The following RGS6 variants were observed in gnomAD, a reference collection of about 807,000 sequenced individuals.
RGS6 encodes regulator of G-protein signaling 6.
A neutral mutation model predicts 78.5 loss-of-function variants in RGS6; 30 were observed. The observed-to-expected ratio is 0.38, with a 90% CI of 0.29 to 0.52. The LOEUF (loss-of-function observed/expected upper bound fraction) is 0.52, where lower values mean the gene tolerates loss of function less well. Ranked by LOEUF, RGS6 falls within the 20% of genes least tolerant of loss-of-function variation. The pLI is 0.85. For synonymous variants in RGS6, 206 were observed against 206.0 expected (o/e 1.00, Z 0.00); for missense variants, 495 against 609.7 (o/e 0.81, Z 1.98).
intron 2 of RGS6, among the ~76,000 whole-genome samples, chr14:72,017,421 T>G (rs1173297746): frequency 6.6e-6 from 1 of 152,240 alleles, no homozygotes; most frequent in Non-Finnish European, 1.5e-5. Context: ...CATTCACTTC[T>G]TTTTCTTGTC....
At chr14:71,930,769 G>C (rs2087804425), upstream of RGS6, among the ~76,000 whole-genome samples, 1 of 151,722 alleles carries the variant, frequency 6.6e-6, no homozygotes, top group African/African-American at 2.4e-5. Context: ...GATCATCTGA[G>C]GTCAGGAATT....
In RGS6 at chr14:72,536,295, G is replaced by A. The variant is rs144360324; in HGVS notation, c.1368+20G>A. On this transcript the variant is annotated intron_variant, in intron 16 of 17. Transcript: ENST00000553525. ...AAGAAGGTATCTTTGGGAAGGGCAG[G>A]CTTGCTCTTAGCACTGTTGACTCTT... The A allele has an allele frequency of 3.1e-6, 5 of 1,594,510 alleles. No individual in the cohort carries two copies. Among genetic ancestry groups the A allele is most frequent in the South Asian group, 1.1e-5 (1 of 90,658 alleles).
At chr14:72,426,116 G>T (rs932665358) in intron 3 of RGS6, among the ~76,000 whole-genome samples, 2 of 151,886 alleles carry the variant, frequency 1.3e-5, no homozygotes, top group Non-Finnish European at 2.9e-5. Flanking sequence ...TTTTTGTTGC[G>T]AACGTATGTT....
chr14:72,230,169 G>A (rs847309), intron 2 of RGS6, among the ~76,000 whole-genome samples: 150,331 of 152,318 alleles, frequency 0.99, 74,194 homozygotes, highest in East Asian at 1. Context: ...AGGCAGAACA[G>A]CTAATGTCCA....
chr14:72,465,602 T>TGGATGGATGGATGGTTGGGTGGA (rs1566914149), intron 6 of RGS6, among the ~76,000 whole-genome samples, 156 bp from the exon 7 acceptor site: 6 of 99,468 alleles, frequency 6.0e-5, no homozygotes, highest in African/African-American at 2.4e-4. Flanking sequence ...GGATGGATGG[T>TGGATGGATGGATGGTTGGGTGGA]TGGGTGGATG....
intron 2 of RGS6, among the ~76,000 whole-genome samples, chr14:72,088,212 T>C (rs2095127489): frequency 6.6e-6 from 1 of 152,222 alleles, no homozygotes; most frequent in Non-Finnish European, 1.5e-5. Context: ...CACGCTTTGC[T>C]CATGAGTAAC....
intron 2 of RGS6, among the ~76,000 whole-genome samples, chr14:72,222,567 G>A (rs533826454): frequency 2.0e-5 from 3 of 152,324 alleles, no homozygotes; most frequent in East Asian, 1.9e-4. Context: ...GAGTGCTGTG[G>A]CAGATGTAAC....
chr14:72,227,624 T>C (rs1811346465), intron 2 of RGS6, among the ~76,000 whole-genome samples: 1 of 152,210 alleles, frequency 6.6e-6, no homozygotes, highest in African/African-American at 2.4e-5. Context: ...TCAAATACAG[T>C]ATTTTTAAAG....
chr14:72,270,031 C>G (rs535010629), intron 2 of RGS6, among the ~76,000 whole-genome samples: 1 of 152,190 alleles, frequency 6.6e-6, no homozygotes, highest in Non-Finnish European at 1.5e-5. Context: ...TAGCAGCGTA[C>G]AACACATGCC....
intron 2 of RGS6, among the ~76,000 whole-genome samples, chr14:72,327,100 C>A (rs1372510838): frequency 6.6e-6 from 1 of 152,162 alleles, no homozygotes; most frequent in African/African-American, 2.4e-5. Context: ...CTTAAATGGC[C>A]AGGGTTGGTG....
At chr14:71,990,509 G>A (rs1566971949) in intron 2 of RGS6, 1 of 432,566 alleles carries the variant, frequency 2.3e-6, no homozygotes, top group Non-Finnish European at 4.7e-6. Context: ...AGCTGCACAG[G>A]GATGTACTGA....
intron 2 of RGS6, among the ~76,000 whole-genome samples, chr14:72,029,533 T>C (rs17105962): frequency 3.3e-5 from 5 of 152,298 alleles, no homozygotes; most frequent in East Asian, 1.9e-4. Context: ...TTGCCTCTTA[T>C]ACAGTCTGCA....
intron 12 of RGS6, among the ~76,000 whole-genome samples, chr14:72,490,631 G>A (rs532392503): frequency 3.0e-4 from 45 of 152,274 alleles, no homozygotes; most frequent in Non-Finnish European, 6.0e-4. Context: ...ATAACATGAT[G>A]AACTTGACAA....
In RGS6 at chr14:71,960,733, C is replaced by CT. The variant is rs557003744; in HGVS notation, c.-20-4033dup. ...TTCTGGGATCAGATTATCTTTGTGG[C>CT]TTTTTTCTCTTGACTGTCTAGCACA... On this transcript the variant is annotated intron_variant, in intron 1 of 17. Coordinates refer to ENST00000553525, the MANE Select transcript of RGS6 (RefSeq NM_001204424.2). 5.9e-5 allele frequency among the ~76,000 whole-genome samples: 9 copies of CT among 152,320 alleles called. No individual in the cohort carries two copies. In the South Asian group the frequency reaches 1.2e-3, roughly 21 times the overall value.
chr14:72,456,593 C>A (rs1321289646), intron 4 of RGS6, among the ~76,000 whole-genome samples: 1 of 152,166 alleles, frequency 6.6e-6, no homozygotes, highest in Non-Finnish European at 1.5e-5. Flanking sequence ...CTGCACCTGG[C>A]CCCATTGGCC....
At chr14:72,603,835 T>C in the RGS6 span, among the ~76,000 whole-genome samples, 45 of 152,248 alleles carry the variant, frequency 3.0e-4, no homozygotes, top group Non-Finnish European at 5.0e-4. Flanking sequence ...TTCAACCACA[T>C]TGACAAAAGC....
intron 2 of RGS6, among the ~76,000 whole-genome samples, chr14:72,323,444 A>G (rs1327612666): frequency 6.6e-6 from 1 of 152,076 alleles, no homozygotes; most frequent in East Asian, 1.9e-4. Context: ...CAATAAAAAA[A>G]AAAACAATAG....
chr14:72,071,286 A>C (rs1330492517), intron 2 of RGS6, among the ~76,000 whole-genome samples: 1 of 152,232 alleles, frequency 6.6e-6, no homozygotes. Context: ...AACTATTCAG[A>C]TTCCACTGTT....
intron 1 of RGS6, among the ~76,000 whole-genome samples, chr14:71,961,254 C>A (rs2093174295): frequency 6.6e-6 from 1 of 152,132 alleles, no homozygotes; most frequent in African/African-American, 2.4e-5. Flanking sequence ...ATGGAACATT[C>A]TGGTGAGAAC....
Sources: gnomAD v4.1 joint callset for allele counts (sites outside exome capture counted in the v4.1 genomes callset) on GRCh38, gnomAD v4.1.1 for gene constraint, MANE v1.5 for transcripts, NCBI Gene and HGNC (gene_info 2026-07-23, HGNC 2026-07-21) for gene names.